Variants in SAMSN1 observed in about 807,000 individuals in gnomAD.
SAMSN1 encodes SAM domain, SH3 domain and nuclear localization signals 1, also known as SAM domain-containing protein SAMSN-1.
SAMSN1 carries 31 observed loss-of-function variants against 42.0 expected under a neutral mutation model. The observed-to-expected ratio is 0.74, with a 90% CI of 0.55 to 1.00. SAMSN1 has a LOEUF of 1.00. Among genes scored for constraint, SAMSN1 ranks in the 50% least tolerant of loss-of-function variants. The pLI, the probability that SAMSN1 is intolerant of heterozygous loss-of-function variation, is 0.00. For synonymous variants in SAMSN1, 178 were observed against 151.9 expected (o/e 1.17, Z -1.26); for missense variants, 464 against 439.4 (o/e 1.06, Z -0.50).
intron 7 of SAMSN1, 143 bp from the exon 8 acceptor site, chr21:14,486,257 T>C: frequency 1.6e-6 from 1 of 630,264 alleles, no homozygotes; most frequent in Non-Finnish European, 2.8e-6. Context: ...GTAAAAGGTA[T>C]CTTTGTTTAT....
At chr21:14,547,370 A>G (rs113476666), upstream of SAMSN1, among the ~76,000 whole-genome samples, 320 of 152,326 alleles carry the variant, frequency 2.1e-3, 2 homozygotes, top group African/African-American at 7.2e-3. Context: ...TAGTCCTGGT[A>G]GAGCTAATAT....
At position 14,613,970 on chromosome 21, in the gene SAMSN1, T is replaced by G. The variant is rs143984137; in HGVS notation, c.198-1057A>C. Among the ~76,000 whole-genome samples, 623 of 152,208 alleles carry G rather than the reference T, an allele frequency of 4.1e-3. 6 individuals carry two copies. Among genetic ancestry groups the G allele is most frequent in the African/African-American group, 0.014 (587 of 41,536 alleles). On this transcript the variant is annotated intron_variant, in intron 3 of 15. Coordinates refer to the SAMSN1 transcript ENST00000647101. ...CAAAATTCAAAAATCTGGGAAATTC[T>G]TCAGGACACAGACTCCAGTTTCTTC...
chr21:14,636,163 G>A (rs2178912), intron 2 of SAMSN1, among the ~76,000 whole-genome samples: 13,029 of 152,212 alleles, frequency 0.086, 727 homozygotes, highest in Admixed American at 0.19. Context: ...ACCGTTCCCA[G>A]TCTGAGAGCA....
chr21:14,522,914 C>T (rs1290085017), intron 1 of SAMSN1, among the ~76,000 whole-genome samples: 2 of 152,168 alleles, frequency 1.3e-5, no homozygotes, highest in Admixed American at 6.5e-5. Context: ...CACACATCCA[C>T]ACTCCTCATT....
chr21:14,522,329 A>C (rs957643424), intron 1 of SAMSN1, among the ~76,000 whole-genome samples: 1 of 152,228 alleles, frequency 6.6e-6, no homozygotes, highest in African/African-American at 2.4e-5. Context: ...ATCTAATTTT[A>C]TGCATTGTTT....
At chr21:14,501,267 A>T (rs553786932) in intron 5 of SAMSN1, among the ~76,000 whole-genome samples, 1 of 152,368 alleles carries the variant, frequency 6.6e-6, no homozygotes, top group East Asian at 1.9e-4. Context: ...TTATCAACTT[A>T]TAACTGTAGA....
chr21:14,576,571 A>G (rs758999183), intron 2 of SAMSN1, among the ~76,000 whole-genome samples: 6 of 152,206 alleles, frequency 3.9e-5, no homozygotes, highest in Non-Finnish European at 8.8e-5. Context: ...AAAGAATTGT[A>G]AAACCTTTTG....
chr21:14,648,609 G>A (rs1380228684), intron 1 of SAMSN1, among the ~76,000 whole-genome samples: 1 of 151,944 alleles, frequency 6.6e-6, no homozygotes, highest in East Asian at 1.9e-4. Context: ...AGTGGGCAAA[G>A]GATATGAACA....
At chr21:14,617,815 C>G (rs1466464721) in intron 2 of SAMSN1, among the ~76,000 whole-genome samples, 1 of 152,180 alleles carries the variant, frequency 6.6e-6, no homozygotes, top group Non-Finnish European at 1.5e-5. Context: ...GAGATTAATT[C>G]CAGATGGCTC....
At chr21:14,582,241 A>C (rs1456216841) in exon 2 of SAMSN1, 2 of 1,550,928 alleles carry the variant, frequency 1.3e-6, no homozygotes, top group Non-Finnish European at 1.7e-6. Flanking sequence ...TTTGGAAATC[A>C]AGACATGTCC....
rs573501148 is a variant in SAMSN1 at position 14,618,328 on chromosome 21, A to G, written c.157-2312T>C. ...GCTTCCTACAAGGGTAGGGAGAGTCAGGCACATTAAATGTGGGTCTGGAGT... is the reference window on the plus strand; with the variant it reads ...GCTTCCTACAAGGGTAGGGAGAGTCGGGCACATTAAATGTGGGTCTGGAGT... On this transcript the variant is annotated intron_variant, in intron 2 of 15. Transcript: ENST00000647101. Among the ~76,000 whole-genome samples the G allele has an allele frequency of 2.0e-5, 3 of 152,328 alleles. No individual in the cohort carries two copies. In the East Asian group the frequency reaches 5.8e-4, roughly 29 times the overall value.
chr21:14,569,658 A>G (rs1304437375), intron 2 of SAMSN1, among the ~76,000 whole-genome samples: 1 of 152,218 alleles, frequency 6.6e-6, no homozygotes, highest in East Asian at 1.9e-4. Context: ...TAACTTATCA[A>G]AAAATAGCAC....
chr21:14,498,714 C>T (rs1174899688), intron 6 of SAMSN1, 122 bp from the exon 7 acceptor site: 8 of 630,508 alleles, frequency 1.3e-5, no homozygotes, highest in Non-Finnish European at 2.0e-5. Flanking sequence ...AGAACTTTTA[C>T]TTAACTTCAC....
At chr21:14,506,041 G>A (rs79646013) in intron 5 of SAMSN1, among the ~76,000 whole-genome samples, 48 of 152,212 alleles carry the variant, frequency 3.2e-4, no homozygotes, top group African/African-American at 1.2e-3. Context: ...ATAGTGACAT[G>A]ACCTATGACA....
intron 2 of SAMSN1, among the ~76,000 whole-genome samples, chr21:14,573,913 C>A (rs1487398442): frequency 6.6e-6 from 1 of 152,156 alleles, no homozygotes; most frequent in Non-Finnish European, 1.5e-5. Flanking sequence ...CACCATGCTA[C>A]ACATGCAAAA....
At chr21:14,618,683 T>C (rs201840930) in intron 2 of SAMSN1, among the ~76,000 whole-genome samples, 11 of 74,544 alleles carry the variant, frequency 1.5e-4, no homozygotes, top group East Asian at 4.5e-4. Context: ...TGTGTGTGTG[T>C]GTGTGTGTGC....
At chr21:14,630,395 T>C (rs1167650639) in intron 2 of SAMSN1, among the ~76,000 whole-genome samples, 4 of 152,016 alleles carry the variant, frequency 2.6e-5, no homozygotes, top group Non-Finnish European at 4.4e-5. Flanking sequence ...CTTTTTTTTT[T>C]TTTAGAGATG....
chr21:14,655,093 T>A (rs931596837), intron 1 of SAMSN1, among the ~76,000 whole-genome samples: 1 of 151,758 alleles, frequency 6.6e-6, no homozygotes, highest in African/African-American at 2.4e-5. Context: ...AAGAAATAAT[T>A]TATGATGAAA....
intron 1 of SAMSN1, among the ~76,000 whole-genome samples, chr21:14,528,973 T>C (rs1295394874): frequency 1.3e-5 from 2 of 152,234 alleles, no homozygotes; most frequent in Non-Finnish European, 2.9e-5. Context: ...TGATGAGAAC[T>C]GAGGCTCAGA....
Sources: allele counts gnomAD v4.1 joint callset (sites outside exome capture counted in the v4.1 genomes callset), GRCh38; gene constraint gnomAD v4.1.1; transcripts MANE v1.5; gene names NCBI Gene and HGNC (gene_info 2026-07-23, HGNC 2026-07-21).